Variants in ZFHX3 observed in about 807,000 individuals in gnomAD.
ZFHX3 encodes the protein zinc finger homeobox 3, also known as zinc finger homeobox protein 3.
In ZFHX3, 42 loss-of-function variants were observed where a neutral mutation model predicts 279.1. That is an observed-to-expected ratio of 0.15 (90% CI 0.12 to 0.19). ZFHX3 has a LOEUF of 0.19. ZFHX3 is among the 10% of genes least tolerant of loss of function. The pLI is 1.00. For synonymous variants in ZFHX3, 2,293 were observed against 1,957.8 expected, an observed-to-expected ratio of 1.17 and a Z score of -4.52; for missense variants, 4,981 against 4,754.0, an observed-to-expected ratio of 1.05 and a Z score of -1.40.
At chr16:72,828,845 A>G (rs769927895) in intron 5 of ZFHX3, among the ~76,000 whole-genome samples, 13 of 150,852 alleles carry the variant, frequency 8.6e-5, no homozygotes, top group Non-Finnish European at 1.8e-4. Context: ...TGGTACTACC[A>G]GCGTGCACCA....
intron 5 of ZFHX3, among the ~76,000 whole-genome samples, chr16:73,180,427 C>T (rs1424548522): frequency 6.6e-6 from 1 of 152,162 alleles, no homozygotes; most frequent in Non-Finnish European, 1.5e-5. Context: ...CTCTACCTGC[C>T]AGCAGAGGTG....
chr16:73,206,335 AC>A (rs2011801694), intron 5 of ZFHX3, among the ~76,000 whole-genome samples: 1 of 152,218 alleles, frequency 6.6e-6, no homozygotes, highest in South Asian at 2.1e-4. Flanking sequence ...ATCATTATGA[AC>A]CACTATTGAT....
intron 3 of ZFHX3, chr16:73,421,115 G>A (rs2017709982): frequency 6.6e-6 from 1 of 151,960 alleles, no homozygotes; most frequent in Admixed American, 6.6e-5. Context: ...CACAGCAGAA[G>A]TGGGATGTTT....
At chr16:73,529,491 C>T (rs749347926) in intron 2 of ZFHX3, among the ~76,000 whole-genome samples, 4 of 152,134 alleles carry the variant, frequency 2.6e-5, no homozygotes, top group Non-Finnish European at 4.4e-5. Flanking sequence ...CTGGCAGGTC[C>T]CCGGCAGCAG....
intron 4 of ZFHX3, among the ~76,000 whole-genome samples, chr16:73,261,863 C>T (rs770768523): frequency 8.6e-5 from 13 of 151,870 alleles, no homozygotes; most frequent in Non-Finnish European, 1.8e-4. Flanking sequence ...TTAGCAGAGA[C>T]GGGGTTTCTT....
chr16:73,529,621 G>C (rs1423556064), intron 2 of ZFHX3, among the ~76,000 whole-genome samples: 3 of 152,128 alleles, frequency 2.0e-5, no homozygotes, highest in Non-Finnish European at 4.4e-5. Context: ...GGGACAAATG[G>C]GAAAATATCC....
At chr16:72,886,996 C>T (rs1183582844) in intron 4 of ZFHX3, among the ~76,000 whole-genome samples, 1 of 152,238 alleles carries the variant, frequency 6.6e-6, no homozygotes, top group East Asian at 1.9e-4. Flanking sequence ...TTGCAGTGAC[C>T]TTCAAGTGAC....
chr16:73,470,847 T>A (rs2018653461), intron 2 of ZFHX3, among the ~76,000 whole-genome samples: 1 of 152,222 alleles, frequency 6.6e-6, no homozygotes, highest in South Asian at 2.1e-4. Context: ...TCCTGGGGGA[T>A]CCAGTCAATT....
intron 1 of ZFHX3, chr16:73,815,662 A>T (rs1960547408): frequency 6.6e-6 from 1 of 152,096 alleles, no homozygotes; most frequent in African/African-American, 2.4e-5. Flanking sequence ...CCAGGGTTCA[A>T]GCAATTCTCC....
intron 1 of ZFHX3, among the ~76,000 whole-genome samples, chr16:73,757,015 G>C (rs1352721633): frequency 1.3e-5 from 2 of 152,128 alleles, no homozygotes; most frequent in Non-Finnish European, 2.9e-5. Flanking sequence ...CATGGGACAG[G>C]TGTTACCCAT....
chr16:73,012,351 A>C (rs2144626331), intron 1 of ZFHX3, among the ~76,000 whole-genome samples: 2 of 152,362 alleles, frequency 1.3e-5, no homozygotes, highest in South Asian at 4.1e-4. Flanking sequence ...GTGATACTGC[A>C]CATGACAGTT....
chr16:73,186,358 G>C (rs1370369577), intron 5 of ZFHX3, among the ~76,000 whole-genome samples: 1 of 152,092 alleles, frequency 6.6e-6, no homozygotes, highest in East Asian at 1.9e-4. Flanking sequence ...ACCTTAGGCT[G>C]TGTGATCGTG....
intron 1 of ZFHX3, among the ~76,000 whole-genome samples, chr16:73,862,937 G>T (rs544132550): frequency 4.5e-4 from 69 of 152,294 alleles, no homozygotes; most frequent in African/African-American, 1.5e-3. Flanking sequence ...GCATGGCCAG[G>T]AGTGGTGGCT....
chr16:73,372,613 A>T (rs536542565), intron 3 of ZFHX3, among the ~76,000 whole-genome samples: 1 of 152,332 alleles, frequency 6.6e-6, no homozygotes, highest in East Asian at 1.9e-4. Flanking sequence ...TTGCTCCTCT[A>T]GGTAAAAGGA....
intron 7 of ZFHX3, 96 bp from the exon 8 acceptor site, chr16:72,800,225 C>A: frequency 1.0e-6 from 1 of 992,076 alleles, no homozygotes; most frequent in East Asian, 2.6e-5. Flanking sequence ...TAGCCTTCAC[C>A]AGTGTAAAGC....
At chr16:73,584,063 G>A (rs2051891965) in intron 2 of ZFHX3, among the ~76,000 whole-genome samples, 1 of 152,136 alleles carries the variant, frequency 6.6e-6, no homozygotes, top group South Asian at 2.1e-4. Flanking sequence ...GGAAATAGGT[G>A]AAGACAGAAT....
chr16:72,877,465 G>C (rs940242335), intron 4 of ZFHX3, among the ~76,000 whole-genome samples: 9 of 152,222 alleles, frequency 5.9e-5, no homozygotes, highest in African/African-American at 2.2e-4. Flanking sequence ...TCTGCGGAAA[G>C]TGACCACGCA....
intron 4 of ZFHX3, among the ~76,000 whole-genome samples, chr16:72,853,509 T>C (rs929562605): frequency 3.9e-5 from 6 of 152,280 alleles, no homozygotes; most frequent in Non-Finnish European, 8.8e-5. Flanking sequence ...AACTTCTAAC[T>C]GGAGATCGAT....
At chr16:73,806,760 C>T (rs1009924133) in intron 1 of ZFHX3, among the ~76,000 whole-genome samples, 2 of 152,174 alleles carry the variant, frequency 1.3e-5, no homozygotes, top group South Asian at 2.1e-4. Context: ...TTTTAAAAAT[C>T]GGTGAAGCAT....
Sources: gnomAD v4.1 joint callset for allele counts (sites outside exome capture counted in the v4.1 genomes callset) on GRCh38, gnomAD v4.1.1 for gene constraint, MANE v1.5 for transcripts, NCBI Gene and HGNC (gene_info 2026-07-23, HGNC 2026-07-21) for gene names.